The following ABTB2 variants were observed in gnomAD, a reference collection of about 807,000 sequenced individuals.
The protein encoded by ABTB2 is ankyrin repeat and BTB/POZ domain-containing protein 2.
ABTB2 carries 56 observed loss-of-function variants against 104.1 expected under a neutral mutation model. That is an observed-to-expected ratio of 0.54 (90% confidence interval 0.43 to 0.67). The LOEUF (loss-of-function observed/expected upper bound fraction) is 0.67. Ranked by LOEUF, ABTB2 falls within the 30% of genes least tolerant of loss-of-function variation. The probability of loss-of-function intolerance (pLI) is 0.00; values close to 1 mark genes in which losing one functional copy is unlikely to be tolerated. For synonymous variants in ABTB2, 606 were observed against 608.2 expected (o/e 1.00, Z 0.05); for missense variants, 1,279 against 1,407.7 (o/e 0.91, Z 1.46).
At chr11:34,303,061 C>T (rs1053977203) in intron 1 of ABTB2, among the ~76,000 whole-genome samples, 9 of 152,182 alleles carry the variant, frequency 5.9e-5, no homozygotes, top group Admixed American at 4.6e-4. Flanking sequence ...TAGGCAGAGG[C>T]CACAGAACAC....
At position 34,173,152 on chromosome 11, in the gene ABTB2, T is replaced by C; in HGVS notation, c.1397+3A>G. 6.2e-7 allele frequency: 1 copy of C among 1,613,680 alleles called. No individual in the cohort carries two copies. The highest frequency in any genetic ancestry group is 2.2e-5 in the East Asian group (1 of 44,870). ...GGGGCCCTCCCTCCTCCCTGGTTCA[T>C]ACTTGAGCTGCCGAGGTTCACAGTC... is the stretch of plus-strand genomic sequence containing the variant. On this transcript the variant is annotated splice_donor_region_variant and intron_variant, in intron 4 of 16. Transcript: ENST00000435224.
chr11:34,236,264 A>G (rs201207945), intron 1 of ABTB2, among the ~76,000 whole-genome samples: 2 of 152,308 alleles, frequency 1.3e-5, no homozygotes, highest in East Asian at 1.9e-4. Context: ...AAAGGTAAAA[A>G]AATGTGTTTT....
At chr11:34,292,006 A>C (rs1451904725) in intron 1 of ABTB2, among the ~76,000 whole-genome samples, 1 of 152,116 alleles carries the variant, frequency 6.6e-6, no homozygotes, top group Non-Finnish European at 1.5e-5. Context: ...ACACATTTAA[A>C]ACATAAGCCA....
At chr11:34,246,805 C>T (rs1853989011) in intron 1 of ABTB2, among the ~76,000 whole-genome samples, 2 of 150,236 alleles carry the variant, frequency 1.3e-5, no homozygotes, top group South Asian at 4.2e-4. Flanking sequence ...CAACAAATCA[C>T]TTTTTGCCAG....
chr11:34,226,849 T>G (rs1853694102), intron 1 of ABTB2, among the ~76,000 whole-genome samples: 1 of 152,110 alleles, frequency 6.6e-6, no homozygotes, highest in Non-Finnish European at 1.5e-5. Context: ...GTGGATCACT[T>G]CAGGTCAGGA....
chr11:34,216,908 C>G (rs1213595158), intron 1 of ABTB2, among the ~76,000 whole-genome samples: 1 of 152,232 alleles, frequency 6.6e-6, no homozygotes, highest in Admixed American at 6.5e-5. Context: ...GACACGCCCA[C>G]CAGTGTGCCA....
chr11:34,176,634 CG>C (rs977079282), intron 3 of ABTB2, among the ~76,000 whole-genome samples: 1 of 152,140 alleles, frequency 6.6e-6, no homozygotes, highest in Non-Finnish European at 1.5e-5. Context: ...AAAGAGAGAC[CG>C]TGTCTCAAGA....
intron 4 of ABTB2, among the ~76,000 whole-genome samples, chr11:34,172,850 T>C (rs1459411646): frequency 6.6e-6 from 1 of 152,182 alleles, no homozygotes; most frequent in African/African-American, 2.4e-5. Flanking sequence ...CTTCTGCCCC[T>C]CAGTCCCCAA....
intron 1 of ABTB2, among the ~76,000 whole-genome samples, chr11:34,325,104 T>C (rs1855054019): frequency 6.6e-6 from 1 of 152,170 alleles, no homozygotes. Context: ...CCTGGACACT[T>C]CCCAGTTTTA....
intron 1 of ABTB2, among the ~76,000 whole-genome samples, chr11:34,316,273 T>A (rs181576098): frequency 1.3e-5 from 2 of 152,336 alleles, no homozygotes; most frequent in East Asian, 3.9e-4. Flanking sequence ...ATACGGACAC[T>A]GCAAAAGTCG....
At chr11:34,327,786 A>C (rs1209201924) in intron 1 of ABTB2, among the ~76,000 whole-genome samples, 1 of 152,170 alleles carries the variant, frequency 6.6e-6, no homozygotes, top group Non-Finnish European at 1.5e-5. Context: ...TTTAGAAACC[A>C]AATGATCCTG....
chr11:34,327,325 A>G (rs973843745), intron 1 of ABTB2, among the ~76,000 whole-genome samples: 1 of 152,216 alleles, frequency 6.6e-6, no homozygotes, highest in African/African-American at 2.4e-5. Context: ...TTGCAATCCT[A>G]GTTTTTATAT....
At chr11:34,329,268 C>A (rs1855103509) in intron 1 of ABTB2, among the ~76,000 whole-genome samples, 1 of 152,206 alleles carries the variant, frequency 6.6e-6, no homozygotes, top group Non-Finnish European at 1.5e-5. Context: ...TGAAACTCTT[C>A]AAATAAAGTT....
At chr11:34,302,999 T>C (rs1001245438) in intron 1 of ABTB2, among the ~76,000 whole-genome samples, 3 of 152,190 alleles carry the variant, frequency 2.0e-5, no homozygotes, top group Non-Finnish European at 4.4e-5. Flanking sequence ...TCTGGCAGAT[T>C]GATTCCTGAT....
chr11:34,219,117 T>G (rs1853584220), intron 1 of ABTB2, among the ~76,000 whole-genome samples: 1 of 152,130 alleles, frequency 6.6e-6, no homozygotes, highest in Admixed American at 6.6e-5. Flanking sequence ...AGGAAAAACA[T>G]GTACACAAAT....
Position 34,299,688 on chromosome 11 carries a change from T to C in ABTB2, c.883+57013A>G, listed in dbSNP as rs561596552. 2.0e-5 allele frequency among the ~76,000 whole-genome samples: 3 copies of C among 152,346 alleles called. No homozygotes were observed. The East Asian group carries it at 5.8e-4, about 29-fold the overall frequency. On this transcript the variant is annotated intron_variant, in intron 1 of 16. Coordinates refer to ENST00000435224, the MANE Select transcript of ABTB2 (RefSeq NM_145804.3). ...TGGCTTTTCTTTTCCCAGGCTCAAC[T>C]GACAGCAACTACTCTCGGGGCCCTC...
At position 34,300,581 on chromosome 11, in the gene ABTB2, T is replaced by C. The variant is rs531894470; in HGVS notation, c.883+56120A>G. ...GAGCTAAAATAGTTAGGCTGGGCAA[T>C]ACTACATCTCACACAGAAGAATAAT... On this transcript the variant is annotated intron_variant, in intron 1 of 16. Transcript: ENST00000435224. 4.6e-5 allele frequency among the ~76,000 whole-genome samples: 7 copies of C among 152,326 alleles called. No individual in the cohort carries two copies. The East Asian group carries it at 9.6e-4, about 21-fold the overall frequency.
chr11:34,196,134 C>T (rs1180870451), intron 3 of ABTB2, among the ~76,000 whole-genome samples: 3 of 152,140 alleles, frequency 2.0e-5, no homozygotes, highest in Non-Finnish European at 4.4e-5. Flanking sequence ...CTTAAGTGGC[C>T]AAGCAGTGGC....
At chr11:34,215,945 G>A (rs57751423) in intron 1 of ABTB2, among the ~76,000 whole-genome samples, 1 of 151,776 alleles carries the variant, frequency 6.6e-6, no homozygotes, top group East Asian at 1.9e-4. Context: ...GATCCACAGT[G>A]ATTTAAAAAA....
Sources: gnomAD v4.1 joint callset for allele counts (sites outside exome capture counted in the v4.1 genomes callset) on GRCh38, gnomAD v4.1.1 for gene constraint, MANE v1.5 for transcripts, NCBI Gene and HGNC (gene_info 2026-07-23, HGNC 2026-07-21) for gene names.